The following TDRD5 variants were observed in gnomAD, a reference collection of about 807,000 sequenced individuals.
TDRD5 encodes the protein tudor domain containing 5.
Under a neutral mutation model 120.6 loss-of-function variants are expected in TDRD5, and 41 were observed. The observed-to-expected ratio is 0.34, with a 90% CI of 0.26 to 0.44. The LOEUF (loss-of-function observed/expected upper bound fraction) is 0.44. TDRD5 is among the 20% of genes least tolerant of loss of function. The pLI, the probability that TDRD5 is intolerant of heterozygous loss-of-function variation, is 1.00. For missense variants in TDRD5, 1,006 were observed against 1,221.2 expected (o/e 0.82, Z 2.63); for synonymous variants, 430 against 433.7 (o/e 0.99, Z 0.11).
chr1:179,606,974 T>C (rs990035979), intron 4 of TDRD5, among the ~76,000 whole-genome samples: 3 of 151,998 alleles, frequency 2.0e-5, no homozygotes, highest in African/African-American at 7.3e-5. Flanking sequence ...ATTCACAAAA[T>C]TACTTGCTGA....
chr1:179,602,338 G>C (rs772453481), intron 4 of TDRD5, among the ~76,000 whole-genome samples: 4 of 151,992 alleles, frequency 2.6e-5, no homozygotes, highest in Non-Finnish European at 4.4e-5. Flanking sequence ...ATGTTTGTTG[G>C]CCATTTGTAT....
intron 11 of TDRD5, among the ~76,000 whole-genome samples, chr1:179,649,994 A>G (rs1678621178): frequency 6.6e-6 from 1 of 152,150 alleles, no homozygotes; most frequent in African/African-American, 2.4e-5. Context: ...AGGATAATTT[A>G]TTTTCTTCCT....
chr1:179,686,993 G>A (rs190433938), intron 17 of TDRD5, among the ~76,000 whole-genome samples: 2 of 152,096 alleles, frequency 1.3e-5, no homozygotes, highest in Non-Finnish European at 2.9e-5. Context: ...CAAAAAACCA[G>A]CTCCTGGATT....
At chr1:179,658,289 C>T (rs911801579) in intron 14 of TDRD5, among the ~76,000 whole-genome samples, 3 of 152,108 alleles carry the variant, frequency 2.0e-5, no homozygotes, top group Non-Finnish European at 2.9e-5. Context: ...AGTATTCGCT[C>T]ATCTATTTTC....
In TDRD5 at chr1:179,593,485, A is replaced by G; in HGVS notation, c.258A>G (p.Gly86=). The change falls in exon 3 of 18, where the codon GGA becomes GGG. Residue 86 remains glycine, a synonymous_variant. Transcript: ENST00000444136. ...LKAIPDESTK[G]IASLVAKQRS... is the part of the protein sequence containing the mutation. ...CCATTCCAGATGAATCTACCAAAGG[A>G]ATAGCAAGCTTAGTTGCAAAACAGA... The G allele has an allele frequency of 6.2e-7, 1 of 1,613,508 alleles. No individual in the cohort carries two copies. The highest frequency in any genetic ancestry group is 8.5e-7 in the Non-Finnish European group (1 of 1,179,398).
intron 17 of TDRD5, among the ~76,000 whole-genome samples, chr1:179,676,296 T>G (rs1680144647): frequency 6.6e-6 from 1 of 152,246 alleles, no homozygotes; most frequent in Non-Finnish European, 1.5e-5. Context: ...TGGTGAATTC[T>G]TATCCATTCT....
At chr1:179,675,557 G>A (rs974887780) in intron 17 of TDRD5, among the ~76,000 whole-genome samples, 1 of 151,960 alleles carries the variant, frequency 6.6e-6, no homozygotes, top group Admixed American at 6.6e-5. Flanking sequence ...GGGATTACAG[G>A]CGTGAGCCAC....
intron 14 of TDRD5, among the ~76,000 whole-genome samples, chr1:179,660,382 G>A (rs943396751): frequency 5.9e-5 from 9 of 151,700 alleles, no homozygotes; most frequent in African/African-American, 2.2e-4. Context: ...AGCACACCTG[G>A]CTAATTTTTT....
chr1:179,635,966 CTTAAAAA>C, intron 9 of TDRD5, 79 bp downstream of exon 9: 6 of 1,343,700 alleles, frequency 4.5e-6, no homozygotes, highest in South Asian at 3.5e-5. Context: ...TTTCAGGACT[CTTAAAAA>C]TTAAAGACCC....
chr1:179,688,608 G>A (rs1315424440), intron 17 of TDRD5, among the ~76,000 whole-genome samples: 1 of 152,190 alleles, frequency 6.6e-6, no homozygotes, highest in Non-Finnish European at 1.5e-5. Flanking sequence ...CTAGGTTGGG[G>A]AAGTTCTCCT....
At chr1:179,606,669 G>A (rs1676001423) in intron 4 of TDRD5, among the ~76,000 whole-genome samples, 1 of 151,864 alleles carries the variant, frequency 6.6e-6, no homozygotes, top group African/African-American at 2.4e-5. Context: ...TTTTTTGCAA[G>A]TGGATGTTCA....
At chr1:179,597,404 T>C (rs1462936243) in intron 4 of TDRD5, among the ~76,000 whole-genome samples, 4 of 149,712 alleles carry the variant, frequency 2.7e-5, no homozygotes, top group Non-Finnish European at 5.9e-5. Context: ...CGATCTCGGC[T>C]CACTGCAACT....
In TDRD5 at chr1:179,626,037, G is replaced by A. The variant is rs899427062; in HGVS notation, c.973-4730G>A. ...AATGAGAACACATGGACACAGGAAG[G>A]GGAACATCACACTCTGGGGCCTGTT... On this transcript the variant is annotated intron_variant, in intron 6 of 17. Transcript: ENST00000444136. Among the ~76,000 whole-genome samples the A allele has an allele frequency of 5.3e-5, 8 of 151,932 alleles. No individual in the cohort carries two copies. In the East Asian group the frequency reaches 1.4e-3, roughly 26 times the overall value.
In TDRD5 at chr1:179,680,279, T is replaced by C. The variant is rs945742271; in HGVS notation, c.2861-10417T>C. Among the ~76,000 whole-genome samples, 15 of 152,342 alleles carry C rather than the reference T, an allele frequency of 9.8e-5. No homozygotes were observed. The Middle Eastern group carries it at 0.017, about 173-fold the overall frequency. On this transcript the variant is annotated intron_variant, in intron 17 of 17. Transcript: ENST00000444136. Reference sequence around the variant, plus strand: ...TAGAACGATGTATATAGTCTGATGATAGGCAAAGTATTTCATAATATCAAG... The same window carrying C: ...TAGAACGATGTATATAGTCTGATGACAGGCAAAGTATTTCATAATATCAAG...
intron 4 of TDRD5, among the ~76,000 whole-genome samples, chr1:179,617,286 T>A (rs1488549579): frequency 2.0e-5 from 3 of 152,096 alleles, no homozygotes; most frequent in Non-Finnish European, 4.4e-5. Flanking sequence ...AGAAGAGTAG[T>A]CAGTTCCAGA....
chr1:179,677,883 G>A (rs970192089), intron 17 of TDRD5, among the ~76,000 whole-genome samples: 5 of 152,198 alleles, frequency 3.3e-5, no homozygotes, highest in African/African-American at 1.2e-4. Flanking sequence ...GGCCCTATAG[G>A]GAGGATGCAA....
chr1:179,643,786 G>C (rs1436857599), intron 11 of TDRD5, among the ~76,000 whole-genome samples: 3 of 152,040 alleles, frequency 2.0e-5, no homozygotes, highest in African/African-American at 7.2e-5. Context: ...ATGGAAAAAA[G>C]GAAGGCCAAA....
rs199605714 is a variant in TDRD5, at chr1:179,635,898, G to A, written c.1520+11G>A. The A allele has an allele frequency of 6.2e-6, 10 of 1,607,890 alleles. No individual in the cohort carries two copies. The Admixed American group carries it at 8.4e-5, about 13-fold the overall frequency. ...GATGATTGAAATGCGGTAGGAGTCT[G>A]TTGTTTTCAATGTGTTTTTCACATG... On this transcript the variant is annotated intron_variant, in intron 9 of 17. Coordinates refer to ENST00000444136, the MANE Select transcript of TDRD5 (RefSeq NM_001199085.3).
At chr1:179,642,946 C>T (rs28698756) in intron 11 of TDRD5, among the ~76,000 whole-genome samples, 52,085 of 152,018 alleles carry the variant, frequency 0.34, 9,111 homozygotes, top group Admixed American at 0.42. Context: ...TCTTGCTGTC[C>T]TAAAGAATTA....
Sources: allele counts gnomAD v4.1 joint callset (sites outside exome capture counted in the v4.1 genomes callset), GRCh38; gene constraint gnomAD v4.1.1; transcripts MANE v1.5; gene names NCBI Gene and HGNC (gene_info 2026-07-23, HGNC 2026-07-21).